Variants in NEGR1 observed in about 807,000 individuals in gnomAD.
The protein encoded by NEGR1 is neuronal growth regulator 1.
A neutral mutation model predicts 40.9 loss-of-function variants in NEGR1; 10 were observed. The observed-to-expected ratio is 0.24, with a 90% confidence interval of 0.15 to 0.42. The LOEUF (loss-of-function observed/expected upper bound fraction) is 0.42. Ranked by LOEUF, NEGR1 falls within the 10% of genes least tolerant of loss-of-function variation. The probability of loss-of-function intolerance (pLI) is 1.00; values close to 1 mark genes in which losing one functional copy is unlikely to be tolerated. For missense variants in NEGR1, 352 were observed against 438.9 expected (o/e 0.80, Z 1.77); for synonymous variants, 185 against 166.8 (o/e 1.11, Z -0.84).
intron 2 of NEGR1, among the ~76,000 whole-genome samples, chr1:71,814,418 G>A (rs1379317755): frequency 6.6e-6 from 1 of 151,956 alleles, no homozygotes; most frequent in African/African-American, 2.4e-5. Flanking sequence ...GGATGATGCT[G>A]GCCTCATAAA....
At position 71,698,106 on chromosome 1, in the gene NEGR1, A is replaced by G; in HGVS notation, c.569T>C (p.Ile190Thr). The G allele has an allele frequency of 6.2e-7, 1 of 1,611,006 alleles. No homozygotes were observed. The highest frequency in any genetic ancestry group is 8.5e-7 in the Non-Finnish European group (1 of 1,177,942). Reference protein sequence around the residue: ...KPFENGQYLDIYGITRDQAGE... With the variant: ...KPFENGQYLDTYGITRDQAGE... ...AGCCTGGTCCCTTGTAATTCCATAA[A>G]TGTCCAAATATTGTCCATTTTCAAA... The change falls in exon 4 of 7, where the codon ATT becomes ACT. Residue 190 changes from isoleucine to threonine, a missense_variant. Physicochemically the swap from Ile to Thr is moderately conservative, Grantham distance 89. Coordinates refer to ENST00000357731, the MANE Select transcript of NEGR1 (RefSeq NM_173808.3).
At chr1:71,949,105 T>C (rs1646046600) in intron 1 of NEGR1, among the ~76,000 whole-genome samples, 1 of 152,188 alleles carries the variant, frequency 6.6e-6, no homozygotes, top group Non-Finnish European at 1.5e-5. Context: ...CTGTGACTTC[T>C]AGCCTGAGGA....
chr1:72,056,969 T>G (rs1005821382), intron 1 of NEGR1, among the ~76,000 whole-genome samples: 2 of 151,532 alleles, frequency 1.3e-5, no homozygotes, highest in Non-Finnish European at 3.0e-5. Context: ...TCCCAAACTT[T>G]CCTGCACTGA....
At chr1:71,462,866 G>A (rs1380305438) in intron 6 of NEGR1, among the ~76,000 whole-genome samples, 1 of 152,130 alleles carries the variant, frequency 6.6e-6, no homozygotes, top group Non-Finnish European at 1.5e-5. Flanking sequence ...AGTGTGCATA[G>A]TTTTGTGTTT....
chr1:72,077,587 T>C lies in NEGR1; in HGVS notation c.177-142276A>G, dbSNP rs956748637. Among the ~76,000 whole-genome samples, 3 of 151,850 alleles carry C rather than the reference T, an allele frequency of 2.0e-5. No homozygotes were observed. In the East Asian group the frequency reaches 5.8e-4, roughly 29 times the overall value. ...GGGGTATGGCTTGTGCCCAAGAGTT[T>C]GAGACCAGGCTGGGCAACACACTGA... On this transcript the variant is annotated intron_variant, in intron 1 of 6. Transcript: ENST00000357731.
intron 1 of NEGR1, among the ~76,000 whole-genome samples, chr1:72,193,724 C>T (rs1652903870): frequency 6.6e-6 from 1 of 151,048 alleles, no homozygotes; most frequent in African/African-American, 2.4e-5. Context: ...TATACAGATA[C>T]ATACAATCTG....
intron 1 of NEGR1, among the ~76,000 whole-genome samples, chr1:72,076,501 C>A (rs1647740328): frequency 7.1e-6 from 1 of 140,238 alleles, no homozygotes; most frequent in Non-Finnish European, 1.6e-5. Context: ...AAACATTCCC[C>A]CCCATCCCCA....
intron 1 of NEGR1, among the ~76,000 whole-genome samples, chr1:72,121,445 T>C (rs1022577959): frequency 1.3e-5 from 2 of 151,988 alleles, no homozygotes; most frequent in African/African-American, 4.8e-5. Context: ...TATGAGAAGA[T>C]AGAAATAAAA....
At chr1:71,597,805 C>T (rs1019477967) in intron 5 of NEGR1, among the ~76,000 whole-genome samples, 2 of 151,604 alleles carry the variant, frequency 1.3e-5, no homozygotes, top group African/African-American at 4.9e-5. Flanking sequence ...CCCTGCTACT[C>T]GGAGGGCTGA....
chr1:71,894,530 C>T (rs971419264), intron 2 of NEGR1, among the ~76,000 whole-genome samples: 1 of 152,146 alleles, frequency 6.6e-6, no homozygotes, highest in Non-Finnish European at 1.5e-5. Context: ...GTTATTTTCC[C>T]CATTTGACAG....
At chr1:71,777,840 T>C (rs2101720082) in intron 2 of NEGR1, among the ~76,000 whole-genome samples, 1 of 152,150 alleles carries the variant, frequency 6.6e-6, no homozygotes, top group Non-Finnish European at 1.5e-5. Context: ...TTTTCCTAAG[T>C]AATACACCAC....
intron 2 of NEGR1, among the ~76,000 whole-genome samples, chr1:71,813,506 C>T (rs1658081208): frequency 6.6e-6 from 1 of 152,008 alleles, no homozygotes; most frequent in African/African-American, 2.4e-5. Context: ...AGCATTGAAT[C>T]TATAAATTCT....
At chr1:71,763,919 G>T (rs1335460108) in intron 3 of NEGR1, among the ~76,000 whole-genome samples, 1 of 152,130 alleles carries the variant, frequency 6.6e-6, no homozygotes, top group East Asian at 1.9e-4. Flanking sequence ...ACAAAGAGGA[G>T]CATTCATTGG....
intron 3 of NEGR1, among the ~76,000 whole-genome samples, chr1:71,705,544 A>C (rs1382950467): frequency 6.6e-6 from 1 of 152,126 alleles, no homozygotes; most frequent in African/African-American, 2.4e-5. Flanking sequence ...AGTCAGTAAA[A>C]ACATACAACC....
At chr1:71,860,725 T>G (rs2101822584) in intron 2 of NEGR1, among the ~76,000 whole-genome samples, 1 of 152,120 alleles carries the variant, frequency 6.6e-6, no homozygotes, top group African/African-American at 2.4e-5. Flanking sequence ...AAGGATAAGT[T>G]TTAGAGTTAA....
intron 3 of NEGR1, among the ~76,000 whole-genome samples, chr1:71,700,113 G>T: frequency 6.6e-6 from 1 of 151,850 alleles, no homozygotes; most frequent in East Asian, 1.9e-4. Flanking sequence ...CAATTTATTT[G>T]TTTAGCCAAT....
intron 1 of NEGR1, among the ~76,000 whole-genome samples, chr1:72,210,425 T>G (rs939141736): frequency 6.6e-6 from 1 of 151,870 alleles, no homozygotes; most frequent in Non-Finnish European, 1.5e-5. Flanking sequence ...AATAAAACAC[T>G]TGGGTGATTG....
At chr1:72,279,685 G>A (rs1449219948) in intron 1 of NEGR1, among the ~76,000 whole-genome samples, 1 of 152,068 alleles carries the variant, frequency 6.6e-6, no homozygotes, top group African/African-American at 2.4e-5. Context: ...CATTACTCTT[G>A]ATTAAAAAAC....
intron 1 of NEGR1, among the ~76,000 whole-genome samples, chr1:72,024,943 A>C (rs1646793809): frequency 2.0e-5 from 3 of 152,204 alleles, no homozygotes; most frequent in Admixed American, 6.5e-5. Context: ...ACATTAGCAT[A>C]ATATAATTGG....
Sources: gnomAD v4.1 joint callset for allele counts (sites outside exome capture counted in the v4.1 genomes callset) on GRCh38, gnomAD v4.1.1 for gene constraint, MANE v1.5 for transcripts, NCBI Gene and HGNC (gene_info 2026-07-23, HGNC 2026-07-21) for gene names.